Variants in GNA14 observed in about 807,000 individuals in gnomAD.
The protein encoded by GNA14 is G protein subunit alpha 14, also known as guanine nucleotide-binding protein subunit alpha-14.
In GNA14, 50 loss-of-function variants were observed where a neutral mutation model predicts 42.0. The observed-to-expected ratio is 1.19, with a 90% CI of 0.95 to 1.51. The LOEUF is 1.51. Among genes scored for constraint, GNA14 ranks in the 40% most tolerant of loss-of-function variants. The probability of loss-of-function intolerance (pLI) is 0.00; values close to 1 mark genes in which losing one functional copy is unlikely to be tolerated. For synonymous variants in GNA14, 173 were observed against 163.1 expected, an observed-to-expected ratio of 1.06 and a Z score of -0.46; for missense variants, 473 against 446.2, an observed-to-expected ratio of 1.06 and a Z score of -0.54.
chr9:77,545,264 G>A (rs541493246), intron 1 of GNA14, among the ~76,000 whole-genome samples: 1 of 144,190 alleles, frequency 6.9e-6, no homozygotes, highest in East Asian at 1.9e-4. Flanking sequence ...AGTTAAATAA[G>A]AGGAGCTACC....
At chr9:77,555,618 G>T (rs1822761695) in intron 1 of GNA14, among the ~76,000 whole-genome samples, 1 of 152,164 alleles carries the variant, frequency 6.6e-6, no homozygotes, top group South Asian at 2.1e-4. Flanking sequence ...GCAGATGATT[G>T]TTGTGTTCTT....
At chr9:77,643,546 T>C (rs1335696222) in intron 1 of GNA14, among the ~76,000 whole-genome samples, 1 of 152,218 alleles carries the variant, frequency 6.6e-6, no homozygotes, top group Non-Finnish European at 1.5e-5. Flanking sequence ...ATCGGTGTTG[T>C]CACTTTCTAC....
At chr9:77,502,635 C>T (rs1189881223) in intron 2 of GNA14, among the ~76,000 whole-genome samples, 4 of 152,152 alleles carry the variant, frequency 2.6e-5, no homozygotes, top group African/African-American at 9.7e-5. Flanking sequence ...AGTCCTGCCT[C>T]TCCACTAGGC....
At chr9:77,452,387 G>A (rs1022019575) in intron 2 of GNA14, among the ~76,000 whole-genome samples, 1 of 152,044 alleles carries the variant, frequency 6.6e-6, no homozygotes, top group Non-Finnish European at 1.5e-5. Context: ...ATTCAGTCCA[G>A]CGATGCCTTT....
At chr9:77,602,739 C>G (rs1823588637) in intron 1 of GNA14, among the ~76,000 whole-genome samples, 1 of 152,084 alleles carries the variant, frequency 6.6e-6, no homozygotes, top group South Asian at 2.1e-4. Flanking sequence ...AAACTACACC[C>G]ACAACTTTCC....
At chr9:77,534,061 T>C (rs532980986) in intron 1 of GNA14, among the ~76,000 whole-genome samples, 1 of 152,220 alleles carries the variant, frequency 6.6e-6, no homozygotes, top group Non-Finnish European at 1.5e-5. Context: ...TTCAATAAAC[T>C]TGTAATGAAA....
At chr9:77,471,828 G>A (rs924506508) in intron 2 of GNA14, among the ~76,000 whole-genome samples, 2 of 152,126 alleles carry the variant, frequency 1.3e-5, no homozygotes, top group African/African-American at 4.8e-5. Context: ...ATAAAAAGCT[G>A]TTTGTTTGTC....
intron 1 of GNA14, among the ~76,000 whole-genome samples, chr9:77,607,647 ATT>A (rs889131855): frequency 4.6e-5 from 7 of 152,120 alleles, no homozygotes; most frequent in African/African-American, 1.7e-4. Flanking sequence ...GCTGCTCTGT[ATT>A]TGTTTCTTAG....
chr9:77,487,078 G>A (rs1240098188), intron 2 of GNA14, among the ~76,000 whole-genome samples: 1 of 151,738 alleles, frequency 6.6e-6, no homozygotes, highest in Non-Finnish European at 1.5e-5. Flanking sequence ...ATAGAATGAG[G>A]TATGCTTGTA....
At position 77,541,741 on chromosome 9, in the gene GNA14, TTTC is replaced by T. The variant is rs559437321; in HGVS notation, c.125-12491_125-12489del. Among the ~76,000 whole-genome samples, 391 of 152,232 alleles carry T rather than the reference TTTC, an allele frequency of 2.6e-3. 1 individual carries two copies. The highest frequency in any genetic ancestry group is 9.1e-3 in the African/African-American group (380 of 41,554). On this transcript the variant is annotated intron_variant, in intron 1 of 6. Transcript: ENST00000341700. Reference sequence around the variant, plus strand: ...GGCTTTGCACTTTCTTTTTTCTTTTTTTCTTTATTTTTGTCTGATTTGATTACA... The same window carrying T: ...GGCTTTGCACTTTCTTTTTTCTTTTTTTTATTTTTGTCTGATTTGATTACA...
chr9:77,616,223 G>C (rs773686333), intron 1 of GNA14, among the ~76,000 whole-genome samples: 1 of 152,180 alleles, frequency 6.6e-6, no homozygotes, highest in African/African-American at 2.4e-5. Flanking sequence ...CAACATTCTT[G>C]ACTATTTGGA....
At chr9:77,531,179 G>A (rs1470672127) in intron 1 of GNA14, among the ~76,000 whole-genome samples, 3 of 152,148 alleles carry the variant, frequency 2.0e-5, no homozygotes, top group South Asian at 2.1e-4. Flanking sequence ...TGGGCACCAC[G>A]AACAATGTGC....
At chr9:77,632,513 T>C (rs1314095446) in intron 1 of GNA14, among the ~76,000 whole-genome samples, 4 of 152,148 alleles carry the variant, frequency 2.6e-5, no homozygotes, top group African/African-American at 9.7e-5. Flanking sequence ...GGCTGAAATA[T>C]GCCCCTTGCT....
At chr9:77,493,386 A>G (rs1323455229) in intron 2 of GNA14, among the ~76,000 whole-genome samples, 5 of 152,186 alleles carry the variant, frequency 3.3e-5, no homozygotes, top group African/African-American at 1.2e-4. Flanking sequence ...AAAAATTACA[A>G]TGAAGGTGCC....
At chr9:77,585,346 T>C (rs1823286783) in intron 1 of GNA14, among the ~76,000 whole-genome samples, 1 of 152,188 alleles carries the variant, frequency 6.6e-6, no homozygotes, top group Non-Finnish European at 1.5e-5. Flanking sequence ...AGTTTCCTTT[T>C]GTAAGGGAAA....
chr9:77,526,636 C>T (rs1198154563), intron 2 of GNA14: 1 of 152,258 alleles, frequency 6.6e-6, no homozygotes, highest in Non-Finnish European at 1.5e-5. Flanking sequence ...GATTTCCAGC[C>T]ACCACCAGAA....
In GNA14 at chr9:77,591,918, GT is replaced by G. The variant is rs10663673; in HGVS notation, c.124+55751del. 3.2e-3 allele frequency among the ~76,000 whole-genome samples: 445 copies of G among 140,254 alleles called. 1 individual carries two copies. The highest frequency in any genetic ancestry group is 4.7e-3 in the Non-Finnish European group (305 of 65,482). The allele number at this position is 140,254 out of a possible 152,430, so 92.0% of individuals were successfully genotyped here. On this transcript the variant is annotated intron_variant, in intron 1 of 6. Transcript: ENST00000341700. The stretch of plus-strand genomic sequence containing the variant: ...GTCCAGCACCGTTTTTTGTTTTTTG[GT>G]TTTTTTTTTTTTTGAGATGGAGTCT...
intron 1 of GNA14, among the ~76,000 whole-genome samples, chr9:77,536,382 G>T (rs970795693): frequency 7.2e-5 from 11 of 152,080 alleles, no homozygotes; most frequent in African/African-American, 2.7e-4. Flanking sequence ...CAAGAGTCTC[G>T]CTCTGTCGCG....
At chr9:77,506,264 AGAGT>A (rs1298872327) in intron 2 of GNA14, among the ~76,000 whole-genome samples, 2 of 151,058 alleles carry the variant, frequency 1.3e-5, no homozygotes, top group African/African-American at 4.9e-5. Context: ...CTTAACCAAC[AGAGT>A]GAGACCCTGT....
Sources: gnomAD v4.1 joint callset for allele counts (sites outside exome capture counted in the v4.1 genomes callset) on GRCh38, gnomAD v4.1.1 for gene constraint, MANE v1.5 for transcripts, NCBI Gene and HGNC (gene_info 2026-07-23, HGNC 2026-07-21) for gene names.